The following NUFIP1 variants were observed in gnomAD, a reference collection of about 807,000 sequenced individuals.
The protein encoded by NUFIP1 is nuclear FMR1 interacting protein 1, also known as FMR1-interacting protein NUFIP1.
Under a neutral mutation model 56.2 loss-of-function variants are expected in NUFIP1, and 38 were observed. The ratio of observed to expected loss-of-function variants is 0.68; its 90% CI spans 0.52 to 0.89. NUFIP1 has a LOEUF of 0.89. Ranked by LOEUF, NUFIP1 falls within the 40% of genes least tolerant of loss-of-function variation. The pLI is 0.00. For missense variants in NUFIP1, 567 were observed against 605.8 expected (o/e 0.94, Z 0.67); for synonymous variants, 215 against 212.4 (o/e 1.01, Z -0.10).
intron 1 of NUFIP1, among the ~76,000 whole-genome samples, chr13:44,986,372 A>G (rs1320313498): frequency 1.3e-5 from 2 of 152,294 alleles, no homozygotes; most frequent in East Asian, 3.9e-4. Flanking sequence ...CCTCAGATGT[A>G]GTAGAAACTG....
In NUFIP1 at chr13:44,965,872, C is replaced by A; in HGVS notation, c.799G>T (p.Gly267Ter). 1 of 1,600,274 alleles carries A rather than the reference C, an allele frequency of 6.2e-7. No homozygotes were observed. Among genetic ancestry groups the A allele is most frequent in the Non-Finnish European group, 8.5e-7 (1 of 1,174,684 alleles). ...KKLKLEKEKR[G>*]AVLTTTQYGK... ...TATTGTGTTGTTGTCAATACTGCTC[C>A]TCTCTTCTCCTTTTCAAGTTTTAAC... The change falls in exon 6 of 10, where the codon GGA (glycine) becomes TGA (stop). Residue 267 changes from glycine to a stop codon, truncating the protein, a stop_gained. Coordinates refer to ENST00000379161, the MANE Select transcript of NUFIP1 (RefSeq NM_012345.3). LOFTEE classifies it high-confidence loss of function.
At chr13:44,941,436 T>C (rs538089048) in intron 9 of NUFIP1, 114 bp from the exon 10 acceptor site, 12 of 590,340 alleles carry the variant, frequency 2.0e-5, no homozygotes, top group Non-Finnish European at 3.6e-5. Context: ...ATAAGAAATA[T>C]GTATTATATT....
intron 7 of NUFIP1, among the ~76,000 whole-genome samples, chr13:44,957,773 G>A (rs1009685251): frequency 5.9e-5 from 9 of 151,828 alleles, no homozygotes; most frequent in African/African-American, 2.2e-4. Context: ...GAACAACAAA[G>A]ACTATCCAAT....
At chr13:44,976,328 AAGG>A (rs1332411621) in intron 5 of NUFIP1, among the ~76,000 whole-genome samples, 7 of 151,860 alleles carry the variant, frequency 4.6e-5, no homozygotes, top group African/African-American at 1.7e-4. Context: ...GAGGAGAAGA[AAGG>A]AGGAAGGAGA....
At chr13:44,976,609 G>A (rs1871989873) in intron 5 of NUFIP1, among the ~76,000 whole-genome samples, 1 of 152,142 alleles carries the variant, frequency 6.6e-6, no homozygotes, top group African/African-American at 2.4e-5. Flanking sequence ...TATCTATAAA[G>A]AAGCTACCTA....
chr13:44,980,243 C>T lies in NUFIP1; in HGVS notation c.595-291G>A, dbSNP rs575964517. Among the ~76,000 whole-genome samples, 10 of 152,326 alleles carry T rather than the reference C, an allele frequency of 6.6e-5. No homozygotes were observed. In the South Asian group the frequency reaches 1.9e-3, roughly 28 times the overall value. Reference sequence around the variant, plus strand: ...TTAATTCCTAAAGTTGAGGGGCATTCCCAAAAACAGAAAAAGAACCTTTCA... The same window carrying T: ...TTAATTCCTAAAGTTGAGGGGCATTTCCAAAAACAGAAAAAGAACCTTTCA... On this transcript the variant is annotated intron_variant, in intron 3 of 9. Transcript: ENST00000379161.
At chr13:44,977,248 C>G (rs1004519176) in intron 5 of NUFIP1, among the ~76,000 whole-genome samples, 2 of 152,192 alleles carry the variant, frequency 1.3e-5, no homozygotes, top group African/African-American at 4.8e-5. Context: ...ATGTATAAGA[C>G]CAGGGCCAAC....
intron 7 of NUFIP1, among the ~76,000 whole-genome samples, chr13:44,950,553 GC>G (rs1448063661): frequency 6.6e-6 from 1 of 152,082 alleles, no homozygotes; most frequent in Non-Finnish European, 1.5e-5. Flanking sequence ...CACCATGTTG[GC>G]CAGGCTGGTC....
chr13:44,976,101 G>A (rs1380752896), intron 5 of NUFIP1, among the ~76,000 whole-genome samples: 2 of 151,616 alleles, frequency 1.3e-5, no homozygotes, highest in Admixed American at 1.3e-4. Flanking sequence ...ACCTCTAACT[G>A]ATCAAAGTCC....
intron 7 of NUFIP1, among the ~76,000 whole-genome samples, chr13:44,955,140 G>C (rs1871185107): frequency 6.6e-6 from 1 of 152,072 alleles, no homozygotes; most frequent in Non-Finnish European, 1.5e-5. Flanking sequence ...TAACTAATGA[G>C]ATACCAAAAT....
chr13:44,989,344 G>T lies in NUFIP1; in HGVS notation c.93C>A (p.Ala31=). 6.2e-7 allele frequency: 1 copy of T among 1,613,236 alleles called. No individual in the cohort carries two copies. ...AGAACATCCAGCTGTCCCGCGGCGG[G>T]GCAGTGTCGCTCAGGGGCCCTAACG... ...TPTLGPLSDT[A]PPRDSWMFWA... The change falls in exon 1 of 10, where the codon GCC becomes GCA. Residue 31 remains alanine, a synonymous_variant. Coordinates refer to ENST00000379161, the MANE Select transcript of NUFIP1 (RefSeq NM_012345.3).
intron 7 of NUFIP1, among the ~76,000 whole-genome samples, chr13:44,958,544 T>C (rs1319206492): frequency 6.6e-6 from 1 of 152,210 alleles, no homozygotes; most frequent in African/African-American, 2.4e-5. Flanking sequence ...ATCCTCTCTT[T>C]TCTTGCCACT....
intron 7 of NUFIP1, among the ~76,000 whole-genome samples, chr13:44,951,256 C>T (rs1871076438): frequency 6.6e-6 from 1 of 152,158 alleles, no homozygotes; most frequent in Admixed American, 6.6e-5. Context: ...AAAGAAAAAA[C>T]TGCAGCATTT....
At chr13:44,968,426 T>G (rs1871686601) in intron 5 of NUFIP1, among the ~76,000 whole-genome samples, 1 of 148,386 alleles carries the variant, frequency 6.7e-6, no homozygotes, top group Non-Finnish European at 1.5e-5. Context: ...AAAAAAAGAC[T>G]TGGAAGGGAT....
At position 44,943,619 on chromosome 13, in the gene NUFIP1, G is replaced by A. The variant is rs1870820455; in HGVS notation, c.1194C>T (p.Ser398=). 3.1e-6 allele frequency: 5 copies of A among 1,613,920 alleles called. No individual in the cohort carries two copies. Among genetic ancestry groups the A allele is most frequent in the Non-Finnish European group, 4.2e-6 (5 of 1,179,996 alleles). Residue 398 remains serine, a synonymous_variant, in exon 9 of 10, where the codon AGC becomes AGT. Coordinates refer to ENST00000379161, the MANE Select transcript of NUFIP1 (RefSeq NM_012345.3). ...DVLAENQVLD[S]SAPKSPSQDV... ...CTTGACTTGGACTCTTAGGAGCACT[G>A]CTATCAAGAACCTGGTTTTCTGCCA... is the stretch of plus-strand genomic sequence containing the variant.
At chr13:44,956,562 A>G (rs1448079641) in intron 7 of NUFIP1, among the ~76,000 whole-genome samples, 1 of 152,228 alleles carries the variant, frequency 6.6e-6, no homozygotes, top group Non-Finnish European at 1.5e-5. Flanking sequence ...TCCTGCAACT[A>G]GACAGTCCCA....
At chr13:44,960,205 C>T (rs958673532) in intron 6 of NUFIP1, among the ~76,000 whole-genome samples, 1 of 151,272 alleles carries the variant, frequency 6.6e-6, no homozygotes, top group Non-Finnish European at 1.5e-5. Context: ...GCTGGGGTTA[C>T]AGGTGTGAGC....
Position 44,980,425 on chromosome 13 carries a change from C to A in NUFIP1, c.594+297G>T, listed in dbSNP as rs116725435. Among the ~76,000 whole-genome samples, 319 of 152,284 alleles carry A rather than the reference C, an allele frequency of 2.1e-3. 2 individuals carry two copies. Among genetic ancestry groups the A allele is most frequent in the African/African-American group, 7.3e-3 (305 of 41,558 alleles). ...GGGCAGACTTAAAGGGGAAAGAACTCATTAAGATGCACAAGGTAACTAGAG... is the reference window on the plus strand; with the variant it reads ...GGGCAGACTTAAAGGGGAAAGAACTAATTAAGATGCACAAGGTAACTAGAG... On this transcript the variant is annotated intron_variant, in intron 3 of 9. Coordinates refer to ENST00000379161, the MANE Select transcript of NUFIP1 (RefSeq NM_012345.3).
rs1261450672 is a variant in NUFIP1 at position 44,940,006 on chromosome 13, T to C, written c.*1200A>G. 6.6e-6 allele frequency: 1 copy of C among 152,186 alleles called. No homozygotes were observed. Among genetic ancestry groups the C allele is most frequent in the African/African-American group, 2.4e-5 (1 of 41,456 alleles). The allele number at this position is 152,186 out of a possible 1,614,324, so 9.4% of individuals were successfully genotyped here. The stretch of plus-strand genomic sequence containing the variant: ...TGGTTGGGAATCACATCTTTGAATA[T>C]ATCAAAATTAAACTGAGTTCCTTGA... On this transcript the variant is annotated 3_prime_UTR_variant, in exon 10 of 10. Coordinates refer to ENST00000379161, the MANE Select transcript of NUFIP1 (RefSeq NM_012345.3).
Sources: gnomAD v4.1 joint callset for allele counts (sites outside exome capture counted in the v4.1 genomes callset) on GRCh38, gnomAD v4.1.1 for gene constraint, MANE v1.5 for transcripts, NCBI Gene and HGNC (gene_info 2026-07-23, HGNC 2026-07-21) for gene names.